VAX2: variants seen among roughly 807,000 people sequenced by gnomAD.
VAX2 encodes the protein ventral anterior homeobox 2.
Under a neutral mutation model 12.5 loss-of-function variants are expected in VAX2, and 8 were observed. The observed-to-expected ratio is 0.64, with a 90% CI of 0.37 to 1.15. The LOEUF is 1.15. Ranked by LOEUF, VAX2 falls within the 50% of genes most tolerant of loss-of-function variation. The pLI, the probability that VAX2 is intolerant of heterozygous loss-of-function variation, is 0.01. For synonymous variants in VAX2, 183 were observed against 187.6 expected (o/e 0.98, Z 0.20); for missense variants, 476 against 412.9 (o/e 1.15, Z -1.32).
chr2:70,924,908 G>C (rs1415895917), intron 2 of VAX2, among the ~76,000 whole-genome samples: 1 of 152,104 alleles, frequency 6.6e-6, no homozygotes, highest in Non-Finnish European at 1.5e-5. Flanking sequence ...ATAGGAGAGA[G>C]ACTAAAAGGA....
chr2:70,900,822 GC>G lies in VAX2; in HGVS notation c.204del (p.Gly71AlafsTer69). The G allele has an allele frequency of 1.3e-6, 2 of 1,481,842 alleles. No individual in the cohort carries two copies. Among genetic ancestry groups the G allele is most frequent in the Non-Finnish European group, 1.8e-6 (2 of 1,116,556 alleles). 91.8% of individuals were successfully genotyped at this position (1,481,842 alleles called of 1,614,324 possible). A position where few individuals can be genotyped will look rare whatever the true frequency, so the allele number is the denominator to read the frequency against. On this transcript the variant is annotated frameshift_variant, in exon 1 of 3. Transcript: ENST00000234392. LOFTEE classifies it high-confidence loss of function. Reference protein sequence around the residue: ...RESGADSDGQPGPGEADHCRR... With the variant: ...RESGADSDGQXGPGEADHCRR... ...AGAGTGGAGCCGACAGCGACGGGCA[GC>G]CCGGGCCCGGCGAGGCAGACCACTG...
At chr2:70,931,506 T>C (rs573582911) in intron 2 of VAX2, among the ~76,000 whole-genome samples, 1 of 152,330 alleles carries the variant, frequency 6.6e-6, no homozygotes, top group South Asian at 2.1e-4. Flanking sequence ...CCAGCATGGA[T>C]GCAGAGACCT....
chr2:70,911,351 AT>A (rs1298917552), intron 1 of VAX2, among the ~76,000 whole-genome samples: 2 of 152,134 alleles, frequency 1.3e-5, no homozygotes, highest in African/African-American at 4.8e-5. Context: ...CAATTTTCCT[AT>A]TGATAAACAT....
chr2:70,925,366 GA>G (rs1679544325), intron 2 of VAX2, among the ~76,000 whole-genome samples: 1 of 152,152 alleles, frequency 6.6e-6, no homozygotes, highest in Admixed American at 6.5e-5. Context: ...TTTAGTGCTG[GA>G]ACATATTAGG....
intron 1 of VAX2, 148 bp from the exon 2 acceptor site, chr2:70,920,950 G>A: frequency 5.4e-6 from 5 of 922,892 alleles, no homozygotes; most frequent in Non-Finnish European, 7.7e-6. Context: ...TGGGCCCAGA[G>A]AGGGTGAGCA....
intron 1 of VAX2, among the ~76,000 whole-genome samples, chr2:70,915,888 A>G (rs926781453): frequency 9.2e-5 from 14 of 152,146 alleles, no homozygotes; most frequent in African/African-American, 3.4e-4. Flanking sequence ...TTTGAGTCCC[A>G]TCTTCATTTG....
intron 2 of VAX2, among the ~76,000 whole-genome samples, chr2:70,925,697 T>A (rs1423662312): frequency 6.6e-6 from 1 of 152,088 alleles, no homozygotes; most frequent in African/African-American, 2.4e-5. Flanking sequence ...CCCCAGGGAT[T>A]AAAAACAGAA....
At chr2:70,929,530 T>C (rs782482553) in intron 2 of VAX2, among the ~76,000 whole-genome samples, 90 of 152,072 alleles carry the variant, frequency 5.9e-4, no homozygotes, top group Non-Finnish European at 9.6e-4. Context: ...CTAGCAAAAA[T>C]ACAAAAATTA....
intron 1 of VAX2, among the ~76,000 whole-genome samples, chr2:70,901,259 C>T (rs1303501966): frequency 1.3e-5 from 2 of 152,238 alleles, no homozygotes; most frequent in East Asian, 3.9e-4. Context: ...GTGGAGGGAG[C>T]AGCGTCGGCA....
At chr2:70,918,049 C>T (rs114434758) in intron 1 of VAX2, among the ~76,000 whole-genome samples, 39 of 152,314 alleles carry the variant, frequency 2.6e-4, no homozygotes, top group African/African-American at 9.4e-4. Flanking sequence ...CACATATTAT[C>T]CTATCTTTTT....
intron 1 of VAX2, among the ~76,000 whole-genome samples, chr2:70,905,702 G>A (rs1679041243): frequency 6.6e-6 from 1 of 152,172 alleles, no homozygotes; most frequent in South Asian, 2.1e-4. Context: ...TTCAGGGATG[G>A]TCCCCCAGGT....
intron 2 of VAX2, among the ~76,000 whole-genome samples, chr2:70,932,262 T>G (rs1199215995): frequency 6.6e-6 from 1 of 152,034 alleles, no homozygotes; most frequent in Admixed American, 6.5e-5. Context: ...GCTGCACATG[T>G]GGGGTTTGGG....
At position 70,933,345 on chromosome 2, in the gene VAX2, C is replaced by G; in HGVS notation, c.*141C>G. 1.2e-6 allele frequency: 1 copy of G among 833,804 alleles called. No individual in the cohort carries two copies. The highest frequency in any genetic ancestry group is 1.8e-5 in the African/African-American group (1 of 56,926). 51.7% of individuals were successfully genotyped at this position (833,804 alleles called of 1,614,324 possible). On this transcript the variant is annotated 3_prime_UTR_variant, in exon 3 of 3. Coordinates refer to ENST00000234392, the MANE Select transcript of VAX2 (RefSeq NM_012476.3). ...CCACCTGCCCCCCAGCTCAGAGACTCGTGACCAAATGGCCTTGGTCCCGCA... is the reference window on the plus strand; with the variant it reads ...CCACCTGCCCCCCAGCTCAGAGACTGGTGACCAAATGGCCTTGGTCCCGCA...
intron 1 of VAX2, among the ~76,000 whole-genome samples, chr2:70,903,160 C>G (rs544960999): frequency 6.6e-6 from 1 of 152,316 alleles, no homozygotes; most frequent in South Asian, 2.1e-4. Flanking sequence ...AAAGTCTGAA[C>G]TAACTGCCTT....
In VAX2 at chr2:70,921,284, A is replaced by G. The variant is rs782520076; in HGVS notation, c.434A>G (p.Gln145Arg). ...CGCCAGCTGAACCTCTCCGAGACCC[A>G]GGTAAGAGACCAGGGCCAGGCCACT... ...LARQLNLSET[Q>R]VKVWFQNRRT... The change falls in exon 2 of 3, where the codon CAG (glutamine) becomes CGG (arginine). Residue 145 changes from glutamine (Q) to arginine (R), a missense_variant and splice_region_variant. Transcript: ENST00000234392. The G allele has an allele frequency of 1.0e-5, 16 of 1,606,256 alleles. No individual in the cohort carries two copies. The South Asian group carries it at 1.6e-4, about 16-fold the overall frequency.
chr2:70,930,643 C>T (rs951555753), intron 2 of VAX2, among the ~76,000 whole-genome samples: 1 of 152,340 alleles, frequency 6.6e-6, no homozygotes, highest in African/African-American at 2.4e-5. Flanking sequence ...GCCAGTCACT[C>T]CTAGCAGGTG....
chr2:70,930,486 C>T (rs1052013475), intron 2 of VAX2, among the ~76,000 whole-genome samples: 10 of 152,226 alleles, frequency 6.6e-5, no homozygotes, highest in Admixed American at 5.2e-4. Flanking sequence ...GTCACTTGCT[C>T]CCTCTTCCCC....
intron 1 of VAX2, among the ~76,000 whole-genome samples, chr2:70,910,935 T>C (rs1224854405): frequency 1.3e-5 from 2 of 151,940 alleles, no homozygotes; most frequent in Admixed American, 6.6e-5. Flanking sequence ...TAGCTCCTAG[T>C]TAGAAAAATC....
Position 70,900,880 on chromosome 2 carries a change from GC to G in VAX2, c.247+15del, listed in dbSNP as rs1678907645. On this transcript the variant is annotated intron_variant, in intron 1 of 2. Transcript: ENST00000234392. ...CATACTGGTGCGAGGTAAGGGGACAGCCCGCGGCCCTGCTCCACTGGACCCT... is the reference window on the plus strand; with the variant it reads ...CATACTGGTGCGAGGTAAGGGGACAGCCGCGGCCCTGCTCCACTGGACCCT... The G allele has an allele frequency of 7.2e-7, 1 of 1,388,390 alleles. No individual in the cohort carries two copies. The highest frequency in any genetic ancestry group is 9.4e-7 in the Non-Finnish European group (1 of 1,066,658). 86.0% of individuals were successfully genotyped at this position (1,388,390 alleles called of 1,614,324 possible).
Sources: gnomAD v4.1 joint callset for allele counts (sites outside exome capture counted in the v4.1 genomes callset) on GRCh38, gnomAD v4.1.1 for gene constraint, MANE v1.5 for transcripts, NCBI Gene and HGNC (gene_info 2026-07-23, HGNC 2026-07-21) for gene names.